The following EMC10 variants were observed in gnomAD, a reference collection of about 807,000 sequenced individuals.
EMC10 encodes the protein UPF0510 protein INM02.
A neutral mutation model predicts 32.2 loss-of-function variants in EMC10; 40 were observed. That is an observed-to-expected ratio of 1.24 (90% CI 0.96 to 1.61). EMC10 has a LOEUF of 1.61. EMC10 is among the 40% of genes most tolerant of loss of function. EMC10 has a pLI of 0.00. For missense variants in EMC10, 402 were observed against 357.7 expected (o/e 1.12, Z -1.00); for synonymous variants, 178 against 158.4 (o/e 1.12, Z -0.93).
Position 50,482,772 on chromosome 19 carries a change from C to T in EMC10, c.*513C>T. ...TGTCCCCTTGAGGGTACCCTGGGTC[C>T]CCTCATCAGGGGCAGAGGCATGAAA... On this transcript the variant is annotated 3_prime_UTR_variant, in exon 7 of 7. Transcript: ENST00000334976. 1 of 488,766 alleles carries T rather than the reference C, an allele frequency of 2.0e-6. No homozygotes were observed. The highest frequency in any genetic ancestry group is 4.1e-5 in the South Asian group (1 of 24,226). The allele number at this position is 488,766 out of a possible 1,614,324, so 30.3% of individuals were successfully genotyped here.
At chr19:50,479,110 G>A (rs769401894) in intron 3 of EMC10, 44 bp downstream of exon 3, 3 of 1,468,368 alleles carry the variant, frequency 2.0e-6, no homozygotes, top group Non-Finnish European at 2.8e-6. Flanking sequence ...GGGATGGAGG[G>A]TTTCCAGCTG....
At position 50,480,663 on chromosome 19, in the gene EMC10, T is replaced by C. The variant is rs749768151; in HGVS notation, c.485T>C (p.Val162Ala). ...GGCAACGTGGTGGGCGTGTCGGTGG[T>C]GACGCACCCCGGGGGCTGCCGGGGC... Reference protein sequence around the residue: ...VAGNVVGVSVVTHPGGCRGHE... With the variant: ...VAGNVVGVSVATHPGGCRGHE... Residue 162 changes from valine (V) to alanine (A), a missense_variant, in exon 5 of 7, where the codon GTG (valine) becomes GCG (alanine). By Grantham distance (64) the Val-to-Ala change is moderately conservative. Transcript: ENST00000334976. This position sits in a 1 kb window ranked among gnomAD's most constrained non-coding sequence, Gnocchi z 4.4. 6.3e-7 allele frequency: 1 copy of C among 1,597,072 alleles called. No homozygotes were observed. Among genetic ancestry groups the C allele is most frequent in the Non-Finnish European group, 8.5e-7 (1 of 1,172,646 alleles).
At chr19:50,478,368 A>C (rs755963098) in intron 2 of EMC10, among the ~76,000 whole-genome samples, 4 of 152,208 alleles carry the variant, frequency 2.6e-5, no homozygotes, top group Non-Finnish European at 5.9e-5. Flanking sequence ...CCAGAAGAGG[A>C]AACGGGCTCA....
In EMC10 at chr19:50,486,886, T is replaced by G. The variant is rs894713610; in HGVS notation, c.*4627T>G. On this transcript the variant is annotated 3_prime_UTR_variant, in exon 7 of 7. Coordinates refer to ENST00000334976, the MANE Select transcript of EMC10 (RefSeq NM_206538.4). Reference sequence around the variant, plus strand: ...TACAAAATATTACAACTTCTCCCTCTCCCCTCCTTCCACCCAGTATCCCCT... The same window carrying G: ...TACAAAATATTACAACTTCTCCCTCGCCCCTCCTTCCACCCAGTATCCCCT... The G allele has an allele frequency of 1.3e-5, 2 of 152,098 alleles. No homozygotes were observed. The highest frequency in any genetic ancestry group is 2.9e-5 in the Non-Finnish European group (2 of 68,020). 9.4% of individuals were successfully genotyped at this position (152,098 alleles called of 1,614,324 possible).
chr19:50,480,723 A>G lies in EMC10; in HGVS notation c.545A>G (p.Asn182Ser). 6.2e-7 allele frequency: 1 copy of G among 1,605,170 alleles called. No individual in the cohort carries two copies. ...EVEDVDLELF[N>S]TSVQLQPPTT... is the part of the protein sequence containing the mutation. The stretch of plus-strand genomic sequence containing the variant: ...GAGGACGTGGACCTGGAGCTGTTCA[A>G]CACCTCGGTGCAGCTGCAGCCGCCC... Residue 182 changes from asparagine (N) to serine (S), a missense_variant, in exon 5 of 7, where the codon AAC becomes AGC. By Grantham distance (46) the Asn-to-Ser change is conservative. Transcript: ENST00000334976. This position sits in a 1 kb window ranked among gnomAD's most constrained non-coding sequence, Gnocchi z 4.4.
At chr19:50,482,079 C>A in intron 6 of EMC10, 70 bp from the exon 7 acceptor site, 1 of 1,381,774 alleles carries the variant, frequency 7.2e-7, no homozygotes. Flanking sequence ...GTGGGTGATG[C>A]CCACACTCAC....
rs140284881 is a variant in EMC10, at chr19:50,490,200, C to T, written c.*7941C>T. 0.032 allele frequency: 4,908 copies of T among 152,154 alleles called. 95 individuals carry two copies. The highest frequency in any genetic ancestry group is 0.05 in the South Asian group (240 of 4,812). 9.4% of individuals were successfully genotyped at this position (152,154 alleles called of 1,614,324 possible). On this transcript the variant is annotated 3_prime_UTR_variant, in exon 7 of 7. Transcript: ENST00000334976. ...CGCGATCTCGGCTCACTGCAAACTC[C>T]GCCTCCCGGGTTTAAGCGATTCTCC...
chr19:50,481,112 T>A, intron 6 of EMC10, 135 bp downstream of exon 6: 1 of 666,424 alleles, frequency 1.5e-6, no homozygotes, highest in Non-Finnish European at 2.6e-6. Flanking sequence ...CTGTGTGTCC[T>A]GGTACCTGGG....
intron 2 of EMC10, 127 bp downstream of exon 2, chr19:50,478,128 GT>G: frequency 1.3e-6 from 1 of 771,400 alleles, no homozygotes; most frequent in Non-Finnish European, 2.1e-6. Context: ...TTTGCCTCAG[GT>G]TAGGGGAAAG....
intron 6 of EMC10, chr19:50,481,828 A>G (rs771424054): frequency 6.6e-7 from 1 of 1,526,072 alleles, no homozygotes; most frequent in South Asian, 1.2e-5. Flanking sequence ...ACGGCAGCCC[A>G]CTGGCCCTGA....
Position 50,482,605 on chromosome 19 carries a change from C to T in EMC10, c.*346C>T. 6.1e-6 allele frequency: 3 copies of T among 494,162 alleles called. No individual in the cohort carries two copies. The highest frequency in any genetic ancestry group is 3.8e-5 in the Admixed American group (1 of 26,610). The allele number at this position is 494,162 out of a possible 1,614,324, so 30.6% of individuals were successfully genotyped here. Reference sequence around the variant, plus strand: ...ACCCCGAGCCCATGCAGTCTGGGAACATGCCGCCTTCTCTCCAGCCTCTGT... The same window carrying T: ...ACCCCGAGCCCATGCAGTCTGGGAATATGCCGCCTTCTCTCCAGCCTCTGT... On this transcript the variant is annotated 3_prime_UTR_variant, in exon 7 of 7. Transcript: ENST00000334976.
chr19:50,476,690 C>A, intron 1 of EMC10, 32 bp downstream of exon 1: 1 of 1,374,510 alleles, frequency 7.3e-7, no homozygotes, highest in Non-Finnish European at 9.7e-7. Flanking sequence ...ATAGCGGGCG[C>A]GGTCTACGGA....
chr19:50,480,751 C>T lies in EMC10; in HGVS notation c.573C>T (p.Thr191=), dbSNP rs773373720. Reference sequence around the variant, plus strand: ...CCTCGGTGCAGCTGCAGCCGCCCACCACAGCCCCAGGGTGAGCCTCTGCTG... The same window carrying T: ...CCTCGGTGCAGCTGCAGCCGCCCACTACAGCCCCAGGGTGAGCCTCTGCTG... The part of the protein sequence containing the change: ...FNTSVQLQPP[T]TAPGPETAAF... The change falls in exon 5 of 7, where the codon ACC becomes ACT. Residue 191 remains threonine (T), a synonymous_variant. Transcript: ENST00000334976. This position sits in a 1 kb window ranked among gnomAD's most constrained non-coding sequence, Gnocchi z 4.4. The T allele has an allele frequency of 2.5e-6, 4 of 1,594,446 alleles. No individual in the cohort carries two copies. The highest frequency in any genetic ancestry group is 3.4e-6 in the Non-Finnish European group (4 of 1,170,322).
rs540211471 is a variant in EMC10 at position 50,481,670 on chromosome 19, C to T, written c.679-479C>T. On this transcript the variant is annotated intron_variant, in intron 6 of 6. Transcript: ENST00000334976. ...GGCTGAGCCCTGCTGTGCTGAGTGC[C>T]CTGCCTGAGGGCCTCACCCGCTCCG... 1.0e-4 allele frequency: 60 copies of T among 581,552 alleles called. 1 individual carries two copies. In the East Asian group the frequency reaches 1.8e-3, roughly 18 times the overall value. 36.0% of individuals were successfully genotyped at this position (581,552 alleles called of 1,614,324 possible). A position where few individuals can be genotyped will look rare whatever the true frequency, so the allele number is the denominator to read the frequency against.
chr19:50,481,931 C>T (rs370195879), intron 6 of EMC10: 130 of 1,606,960 alleles, frequency 8.1e-5, no homozygotes, highest in East Asian at 1.1e-4. Flanking sequence ...CCCGCGCCAC[C>T]GCCACAGGAG....
Position 50,487,337 on chromosome 19 carries a change from A to G in EMC10, c.*5078A>G, listed in dbSNP as rs1358060769. On this transcript the variant is annotated 3_prime_UTR_variant, in exon 7 of 7. Transcript: ENST00000334976. The stretch of plus-strand genomic sequence containing the variant: ...GAGGCCAGGGATCGGCAGATTCAGG[A>G]GCCCACTCCTGGCCAACCCCAGGGG... 1 of 152,170 alleles carries G rather than the reference A, an allele frequency of 6.6e-6. No individual in the cohort carries two copies. The highest frequency in any genetic ancestry group is 2.4e-5 in the African/African-American group (1 of 41,424). 9.4% of individuals were successfully genotyped at this position (152,170 alleles called of 1,614,324 possible).
At chr19:50,479,200 C>G (rs2040279150) in intron 3 of EMC10, 134 bp downstream of exon 3, 1 of 666,606 alleles carries the variant, frequency 1.5e-6, no homozygotes, top group Non-Finnish European at 2.6e-6. Flanking sequence ...CTGCCACTCT[C>G]AGCCTCTGTC....
rs1376870248 is a variant in EMC10, at chr19:50,481,444, G to A, written c.678+467G>A. On this transcript the variant is annotated intron_variant, in intron 6 of 6. Transcript: ENST00000334976. ...GAGGGGCCTGTGCTGCCAGCAGCAG[G>A]TCTGAGTCCCGGGGGCTTAGAGGCT... 7 of 234,286 alleles carry A rather than the reference G, an allele frequency of 3.0e-5. No individual in the cohort carries two copies. The East Asian group carries it at 4.3e-4, about 15-fold the overall frequency. 14.5% of individuals were successfully genotyped at this position (234,286 alleles called of 1,614,324 possible).
chr19:50,478,855 G>A (rs1328912233), intron 2 of EMC10, 102 bp from the exon 3 acceptor site: 11 of 792,032 alleles, frequency 1.4e-5, no homozygotes, highest in South Asian at 1.3e-4. Flanking sequence ...CTGGTCACTC[G>A]GGTGGAGGCC....
Sources: allele counts gnomAD v4.1 joint callset (sites outside exome capture counted in the v4.1 genomes callset), GRCh38; gene constraint gnomAD v4.1.1; non-coding constraint Gnocchi (gnomAD v3.1); transcripts MANE v1.5; gene names NCBI Gene and HGNC (gene_info 2026-07-23, HGNC 2026-07-21).